MUC4: variants seen among roughly 807,000 people sequenced by gnomAD.
The protein encoded by MUC4 is mucin 4, cell surface associated.
A neutral mutation model predicts 257.9 loss-of-function variants in MUC4; 202 were observed. That is an observed-to-expected ratio of 0.78 (90% confidence interval 0.70 to 0.88). The LOEUF (loss-of-function observed/expected upper bound fraction) is 0.88, where lower values mean the gene tolerates loss of function less well. Ranked by LOEUF, MUC4 falls within the 40% of genes least tolerant of loss-of-function variation. The pLI, the probability that MUC4 is intolerant of heterozygous loss-of-function variation, is 0.00. For synonymous variants in MUC4, 2,351 were observed against 2,757.1 expected (o/e 0.85, Z 4.62); for missense variants, 5,976 against 6,513.7 (o/e 0.92, Z 2.84).
chr3:195,804,782 C>A (rs978585354), intron 1 of MUC4, among the ~76,000 whole-genome samples: 2 of 152,254 alleles, frequency 1.3e-5, no homozygotes, highest in Non-Finnish European at 2.9e-5. Context: ...CTGGCCCCAC[C>A]GCCTTTGGCA....
chr3:195,749,118 G>T, intron 23 of MUC4, 54 bp from the exon 24 acceptor site: 5 of 1,574,472 alleles, frequency 3.2e-6, no homozygotes, highest in Admixed American at 3.7e-5. Context: ...CACTAAATCA[G>T]TACCTTTTCA....
At position 195,748,955 on chromosome 3, in the gene MUC4, G is replaced by A. The variant is rs755982560; in HGVS notation, c.15981C>T (p.Gly5327=). 21 of 1,606,790 alleles carry A rather than the reference G, an allele frequency of 1.3e-5. No individual in the cohort carries two copies. The South Asian group carries it at 2.1e-4, about 16-fold the overall frequency. ...GGCACTGGCCTCCATGGTCACAGTA[G>A]CCCCTACTGCACGGGGACACGCAGG... ...GFTCVSPCSR[G]YCDHGGQCQH... Residue 5327 remains glycine, a synonymous_variant, in exon 24 of 25, where the codon GGC becomes GGT. Coordinates refer to ENST00000463781, the MANE Select transcript of MUC4 (RefSeq NM_018406.7).
Position 195,781,426 on chromosome 3 carries a change from G to T in MUC4, c.10154C>A (p.Ala3385Glu). 2 of 1,530,076 alleles carry T rather than the reference G, an allele frequency of 1.3e-6. No homozygotes were observed. Among genetic ancestry groups the T allele is most frequent in the South Asian group, 1.2e-5 (1 of 83,708 alleles). The allele number at this position is 1,530,076 out of a possible 1,614,324, so 94.8% of individuals were successfully genotyped here. A position where few individuals can be genotyped will look rare whatever the true frequency, so the allele number is the denominator to read the frequency against. Residue 3385 changes from alanine to glutamate, a missense_variant, in exon 2 of 25, where the codon GCA (alanine) becomes GAA (glutamate). Ala to Glu is a moderately radical substitution (Grantham distance 107). Coordinates refer to ENST00000463781, the MANE Select transcript of MUC4 (RefSeq NM_018406.7). ...TRLPVTDISS[A>E]STGQATPLPV... ...AAGAGGGGTGGCCTGACCTGTGGAT[G>T]CCGAGGAAATGTCGGTGACAGGAAG...
chr3:195,751,478 G>A (rs1239520310), intron 21 of MUC4: 2 of 603,766 alleles, frequency 3.3e-6, no homozygotes, highest in Non-Finnish European at 3.0e-6. Flanking sequence ...TGTTTGTTGA[G>A]AGTGAAGGGT....
intron 5 of MUC4, 59 bp from the exon 6 acceptor site, chr3:195,770,430 C>G: frequency 6.3e-7 from 1 of 1,597,490 alleles, no homozygotes; most frequent in Non-Finnish European, 8.5e-7. Context: ...ACACATGGGC[C>G]CCCCACTTTC....
Position 195,781,308 on chromosome 3 carries a change from AG to A in MUC4, c.10271del (p.Pro3424LeufsTer835). On this transcript the variant is annotated frameshift_variant, in exon 2 of 25. Transcript: ENST00000463781. LOFTEE classifies it high-confidence loss of function. ...CTGAGGAAGTGCTGGTGACAGGAAG[AG>A]GGGTGGCGTGACCTGTGGATGCTGA... ...PSSASTGHAT[P>X]LPVTSTSSAS... 1 of 1,433,164 alleles carries A rather than the reference AG, an allele frequency of 7.0e-7. No individual in the cohort carries two copies. The highest frequency in any genetic ancestry group is 9.4e-7 in the Non-Finnish European group (1 of 1,062,798). The allele number at this position is 1,433,164 out of a possible 1,614,324, so 88.8% of individuals were successfully genotyped here.
rs764126921 is a variant in MUC4 at position 195,790,163 on chromosome 3, G to A, written c.1417C>T (p.Pro473Ser). The change falls in exon 2 of 25, where the codon CCA (proline) becomes TCA (serine). Residue 473 changes from proline to serine, a missense_variant. Around this residue, in one of 44 missense-constraint regions of MUC4, gnomAD observed 1,583 missense variants for 1,257.4 expected, o/e 1.26. Transcript: ENST00000463781. The part of the protein sequence containing the change: ...GRPHERSSFS[P>S]GVSQEIFTLH... ...GTAAATATTTCTTGAGACACACCTGGAGAGAATGAGCTCCTCTCATGAGGC... is the reference window on the plus strand; with the variant it reads ...GTAAATATTTCTTGAGACACACCTGAAGAGAATGAGCTCCTCTCATGAGGC... 7 of 1,614,026 alleles carry A rather than the reference G, an allele frequency of 4.3e-6. No homozygotes were observed. The highest frequency in any genetic ancestry group is 1.1e-5 in the South Asian group (1 of 91,076).
Position 195,762,103 on chromosome 3 carries a change from G to A in MUC4, c.14496C>T (p.Arg4832=). The change falls in exon 14 of 25, where the codon CGC becomes CGT. Residue 4832 remains arginine, a synonymous_variant. Transcript: ENST00000463781. ...CGCCCTCACCCAGGAGCCCCTCCGT[G>A]CGGTTCTGGTACTCGGGCGGGAGGC... The part of the protein sequence containing the change: ...SASLPPEYQN[R]TEGLLGVWNN... 1 of 1,603,288 alleles carries A rather than the reference G, an allele frequency of 6.2e-7. No homozygotes were observed. The highest frequency in any genetic ancestry group is 8.5e-7 in the Non-Finnish European group (1 of 1,177,292).
rs142108900 is a variant in MUC4, at chr3:195,763,543, T to A, written c.14143A>T (p.Asn4715Tyr). 3 of 1,586,814 alleles carry A rather than the reference T, an allele frequency of 1.9e-6. No homozygotes were observed. The highest frequency in any genetic ancestry group is 2.6e-6 in the Non-Finnish European group (3 of 1,165,840). ...DFLLVGAQDG[N>Y]SSFLLQGRTA... is the part of the protein sequence containing the mutation. ...CGGCCCTGAAGCAGGAAGGAGGAGT[T>A]CCCGTCTTGGGCCCCGACCAGCAGG... Residue 4715 changes from asparagine to tyrosine, a missense_variant, in exon 12 of 25, where the codon AAC becomes TAC. Coordinates refer to ENST00000463781, the MANE Select transcript of MUC4 (RefSeq NM_018406.7).
At chr3:195,764,919 G>A in intron 10 of MUC4, 78 bp downstream of exon 10, 31 of 1,565,762 alleles carry the variant, frequency 2.0e-5, no homozygotes, top group Non-Finnish European at 2.7e-5. Context: ...GTCTGGGAAG[G>A]AATGAGGACG....
intron 1 of MUC4, among the ~76,000 whole-genome samples, chr3:195,800,889 T>TGA (rs1319021853): frequency 2.1e-4 from 18 of 84,156 alleles, no homozygotes; most frequent in Non-Finnish European, 4.1e-4. Flanking sequence ...ACCCCTTCTC[T>TGA]GAAAAAAAAA....
In MUC4 at chr3:195,811,630, T is replaced by TTCTC. The variant is rs143120396; in HGVS notation, c.82+102_82+105dup. 1.3e-4 allele frequency: 116 copies of TTCTC among 867,712 alleles called. No individual in the cohort carries two copies. In the African/African-American group the frequency reaches 1.6e-3, roughly 12 times the overall value. The allele number at this position is 867,712 out of a possible 1,614,324, so 53.8% of individuals were successfully genotyped here. A position where few individuals can be genotyped will look rare whatever the true frequency, so the allele number is the denominator to read the frequency against. On this transcript the variant is annotated intron_variant, in intron 1 of 24. Transcript: ENST00000463781. ...CTCTTCGCTGTCTCCCTTTCCCCTA[T>TTCTC]TCTCTCTCTCTCTCTCTCTGTCTCC...
rs767249982 is a variant in MUC4 at position 195,782,012 on chromosome 3, G to T, written c.9568C>A (p.Pro3190Thr). 11 of 1,489,942 alleles carry T rather than the reference G, an allele frequency of 7.4e-6. No homozygotes were observed. The highest frequency in any genetic ancestry group is 3.3e-5 in the African/African-American group (2 of 60,886). The allele number at this position is 1,489,942 out of a possible 1,614,324, so 92.3% of individuals were successfully genotyped here. A position where few individuals can be genotyped will look rare whatever the true frequency, so the allele number is the denominator to read the frequency against. Residue 3190 changes from proline to threonine, a missense_variant, in exon 2 of 25, where the codon CCT (proline) becomes ACT (threonine). By Grantham distance (38) the Pro-to-Thr change is conservative. Around this residue, in one of 44 missense-constraint regions of MUC4, gnomAD observed 28 missense variants for 79.1 expected, o/e 0.35. Transcript: ENST00000463781. ...GCGTGACCTGTGGATGCTGAGGAAG[G>T]GCTAGTGACAGGAAGAGGCGTGGTG... Reference protein sequence around the residue: ...GDTTPLPVTSPSSASTGHATP... With the variant: ...GDTTPLPVTSTSSASTGHATP...
At chr3:195,772,784 G>GCTCAGGGCTA (rs1723310378) in intron 4 of MUC4, among the ~76,000 whole-genome samples, 1 of 144,518 alleles carries the variant, frequency 6.9e-6, no homozygotes, top group African/African-American at 2.5e-5. Flanking sequence ...GCTCAGGGGT[G>GCTCAGGGCTA]TAGACACCCC....
chr3:195,749,534 A>T (rs1475806984), intron 23 of MUC4, among the ~76,000 whole-genome samples: 1 of 152,124 alleles, frequency 6.6e-6, no homozygotes, highest in African/African-American at 2.4e-5. Flanking sequence ...CTGCTGTGAG[A>T]TTTAAATGAG....
chr3:195,754,441 C>G, intron 18 of MUC4, 69 bp from the exon 19 acceptor site: 1 of 1,535,676 alleles, frequency 6.5e-7, no homozygotes, highest in Non-Finnish European at 8.8e-7. Flanking sequence ...GTGTTTCTGA[C>G]TGACCCCTTT....
chr3:195,767,844 CCAT>C (rs1721747386), intron 7 of MUC4, among the ~76,000 whole-genome samples: 1 of 127,814 alleles, frequency 7.8e-6, no homozygotes, highest in Non-Finnish European at 1.7e-5. Flanking sequence ...ACCACCACCA[CCAT>C]CGCCACCATC....
rs765777484 is a variant in MUC4, at chr3:195,788,911, C to T, written c.2669G>A (p.Ser890Asn). ...AGGAGAGGCACTGGGAGAAGTTGGG[C>T]TTGACTGTCCTGTCGGTCTCCCTGC... is the stretch of plus-strand genomic sequence containing the variant. ...STAGRPTGQS[S>N]PTSPSASPQE... is the part of the protein sequence containing the mutation. The change falls in exon 2 of 25, where the codon AGC becomes AAC. Residue 890 changes from serine (S) to asparagine (N), a missense_variant. This residue lies in a region of MUC4 where 1,583 missense variants were observed against 1,257.4 expected (regional missense o/e 1.26). Coordinates refer to ENST00000463781, the MANE Select transcript of MUC4 (RefSeq NM_018406.7). 1.2e-6 allele frequency: 2 copies of T among 1,613,530 alleles called. No individual in the cohort carries two copies. Among genetic ancestry groups the T allele is most frequent in the Admixed American group, 1.7e-5 (1 of 59,894 alleles).
At chr3:195,767,760 TCACCACCACCACCAC>T (rs1215680197) in intron 7 of MUC4, among the ~76,000 whole-genome samples, 11 of 29,550 alleles carry the variant, frequency 3.7e-4, no homozygotes, top group Non-Finnish European at 5.5e-4. Context: ...ACCACCACCA[TCACCACCACCACCAC>T]CATCACCACC....
Sources: gnomAD v4.1 joint callset for allele counts (sites outside exome capture counted in the v4.1 genomes callset) on GRCh38, gnomAD v4.1.1 for gene constraint, gnomAD v4.1.1 regional missense constraint, MANE v1.5 for transcripts, NCBI Gene and HGNC (gene_info 2026-07-23, HGNC 2026-07-21) for gene names.